RYR2: variants seen among roughly 807,000 people sequenced by gnomAD.
RYR2 encodes cardiac muscle ryanodine receptor-calcium release channel.
A neutral mutation model predicts 601.1 loss-of-function variants in RYR2; 227 were observed. The observed-to-expected ratio is 0.38, with a 90% CI of 0.34 to 0.42. The LOEUF is 0.42. Ranked by LOEUF, RYR2 falls within the 10% of genes least tolerant of loss-of-function variation. The probability of loss-of-function intolerance (pLI) is 1.00; values close to 1 mark genes in which losing one functional copy is unlikely to be tolerated. For synonymous variants in RYR2, 2,223 were observed against 2,175.1 expected, an observed-to-expected ratio of 1.02 and a Z score of -0.61; for missense variants, 4,646 against 6,156.5, an observed-to-expected ratio of 0.75 and a Z score of 8.21.
At chr1:237,099,931 A>C (rs1667900125) in intron 1 of RYR2, among the ~76,000 whole-genome samples, 1 of 152,194 alleles carries the variant, frequency 6.6e-6, no homozygotes, top group South Asian at 2.1e-4. Context: ...TGGAAGCTGA[A>C]CTGGGATATG....
At chr1:237,290,083 C>A (rs1382436720) in intron 2 of RYR2, among the ~76,000 whole-genome samples, 1 of 152,108 alleles carries the variant, frequency 6.6e-6, no homozygotes, top group Non-Finnish European at 1.5e-5. Context: ...GAGTCTTGTA[C>A]TCGTATGTTT....
chr1:237,671,630 T>G (rs1235362054), intron 58 of RYR2, among the ~76,000 whole-genome samples: 1 of 151,996 alleles, frequency 6.6e-6, no homozygotes, highest in Non-Finnish European at 1.5e-5. Flanking sequence ...ACCCATTCTC[T>G]TCTCTTTTAT....
At chr1:237,113,373 G>A (rs987642677) in intron 1 of RYR2, among the ~76,000 whole-genome samples, 2 of 150,062 alleles carry the variant, frequency 1.3e-5, no homozygotes, top group African/African-American at 2.5e-5. Context: ...TAATTTTTTT[G>A]TATTTTTAGT....
chr1:237,410,682 C>T lies in RYR2; in HGVS notation c.774-6367C>T, dbSNP rs1385745300. On this transcript the variant is annotated intron_variant, in intron 10 of 104. Transcript: ENST00000366574. ...AAAATATTTACTAACTGGCCCTTTA[C>T]AGAAAAAGTAGGTCTGCTCCTGTTT... Among the ~76,000 whole-genome samples, 4 of 152,148 alleles carry T rather than the reference C, an allele frequency of 2.6e-5. No individual in the cohort carries two copies. In the East Asian group the frequency reaches 7.7e-4, roughly 29 times the overall value.
intron 75 of RYR2, 114 bp downstream of exon 75, chr1:237,726,422 T>G: frequency 2.9e-6 from 2 of 690,724 alleles, no homozygotes; most frequent in Admixed American, 5.7e-5. Flanking sequence ...CCAAACACTA[T>G]TAGTTATATA....
At chr1:237,781,943 TGTTAGTGTGTTTGTCC>T (rs1695149776) in intron 89 of RYR2, among the ~76,000 whole-genome samples, 1 of 152,116 alleles carries the variant, frequency 6.6e-6, no homozygotes, top group Non-Finnish European at 1.5e-5. Context: ...ATATTTTATT[TGTTAGTGTGTTTGTCC>T]ATAATCAGTG....
intron 51 of RYR2, among the ~76,000 whole-genome samples, chr1:237,653,487 G>C (rs1682954229): frequency 6.6e-6 from 1 of 152,172 alleles, no homozygotes; most frequent in East Asian, 1.9e-4. Context: ...AAAGAATCCT[G>C]TTCAAGATAT....
intron 6 of RYR2, among the ~76,000 whole-genome samples, chr1:237,370,157 A>G (rs1324636627): frequency 6.6e-6 from 1 of 151,674 alleles, no homozygotes; most frequent in East Asian, 1.9e-4. Context: ...ATATATGTAA[A>G]TGTTTTAAAT....
intron 58 of RYR2, among the ~76,000 whole-genome samples, chr1:237,671,231 C>G (rs1177521292): frequency 6.6e-6 from 1 of 152,190 alleles, no homozygotes; most frequent in Non-Finnish European, 1.5e-5. Flanking sequence ...TTGAACTATA[C>G]AGTCAGGATC....
chr1:237,482,219 A>G (rs1380407144), intron 17 of RYR2, among the ~76,000 whole-genome samples: 1 of 152,098 alleles, frequency 6.6e-6, no homozygotes, highest in Non-Finnish European at 1.5e-5. Context: ...TTAAAGAGTT[A>G]ATTGTACATT....
At chr1:237,184,233 G>T (rs1679097432) in intron 1 of RYR2, among the ~76,000 whole-genome samples, 1 of 151,826 alleles carries the variant, frequency 6.6e-6, no homozygotes. Flanking sequence ...GAAGGATGTT[G>T]GTTCCCAGGA....
At chr1:237,308,627 C>G (rs1455217912) in intron 2 of RYR2, among the ~76,000 whole-genome samples, 1 of 152,176 alleles carries the variant, frequency 6.6e-6, no homozygotes, top group East Asian at 1.9e-4. Flanking sequence ...TTTCTTCCTT[C>G]TGGTGGATTC....
intron 10 of RYR2, among the ~76,000 whole-genome samples, chr1:237,407,614 T>A (rs1254715912): frequency 6.8e-6 from 1 of 147,398 alleles, no homozygotes; most frequent in East Asian, 2.0e-4. Context: ...TGGTTGTTTT[T>A]TTTTTTTTTT....
At chr1:237,596,572 T>C (rs1675915091) in intron 34 of RYR2, among the ~76,000 whole-genome samples, 2 of 151,934 alleles carry the variant, frequency 1.3e-5, no homozygotes, top group African/African-American at 4.8e-5. Context: ...CACTGAGCAA[T>C]GGAGAAAGGC....
At chr1:237,772,163 A>T in intron 86 of RYR2, 63 bp downstream of exon 86, 1 of 866,918 alleles carries the variant, frequency 1.2e-6, no homozygotes, top group Non-Finnish European at 1.8e-6. Context: ...AATACGGCAG[A>T]GTTTTAATGT....
chr1:237,350,198 A>G (rs1192035181), intron 3 of RYR2, among the ~76,000 whole-genome samples: 1 of 152,156 alleles, frequency 6.6e-6, no homozygotes. Context: ...AGACTGTCTT[A>G]CAGAAAGAGT....
chr1:237,362,088 T>G (rs1328529046), intron 4 of RYR2, among the ~76,000 whole-genome samples: 1 of 152,204 alleles, frequency 6.6e-6, no homozygotes, highest in Non-Finnish European at 1.5e-5. Context: ...ATGTGGCATG[T>G]GCCCCCAGGT....
intron 1 of RYR2, among the ~76,000 whole-genome samples, chr1:237,251,630 C>T (rs1687474917): frequency 6.6e-6 from 1 of 152,164 alleles, no homozygotes; most frequent in Admixed American, 6.5e-5. Flanking sequence ...CCTATTCATT[C>T]CCTTAGTGAT....
chr1:237,820,192 A>G, intron 101 of RYR2, among the ~76,000 whole-genome samples: 1 of 150,380 alleles, frequency 6.6e-6, no homozygotes, highest in East Asian at 2.0e-4. Flanking sequence ...CATCTCAAAA[A>G]AAAAAAAAAA....
Sources: gnomAD v4.1 joint callset for allele counts (sites outside exome capture counted in the v4.1 genomes callset) on GRCh38, gnomAD v4.1.1 for gene constraint, MANE v1.5 for transcripts, NCBI Gene and HGNC (gene_info 2026-07-23, HGNC 2026-07-21) for gene names.